ZDHHC19: variants seen among roughly 807,000 people sequenced by gnomAD.
The protein encoded by ZDHHC19 is palmitoyltransferase ZDHHC19.
A neutral mutation model predicts 33.9 loss-of-function variants in ZDHHC19; 30 were observed. The ratio of observed to expected loss-of-function variants is 0.88; its 90% confidence interval spans 0.66 to 1.20. The LOEUF (loss-of-function observed/expected upper bound fraction) is 1.20. ZDHHC19 is among the 50% of genes most tolerant of loss of function. The probability of loss-of-function intolerance (pLI) is 0.00; values close to 1 mark genes in which losing one functional copy is unlikely to be tolerated. For synonymous variants in ZDHHC19, 178 were observed against 167.6 expected (o/e 1.06, Z -0.48); for missense variants, 364 against 401.1 (o/e 0.91, Z 0.79).
chr3:196,209,353 T>G (rs1373438399), intron 3 of ZDHHC19, 23 bp downstream of exon 3: 2 of 1,579,624 alleles, frequency 1.3e-6, no homozygotes, highest in South Asian at 1.2e-5. Context: ...CGATGGCTGG[T>G]GGACAGGTAG....
At chr3:196,204,858 G>A (rs1722614504) in intron 5 of ZDHHC19, among the ~76,000 whole-genome samples, 1 of 152,190 alleles carries the variant, frequency 6.6e-6, no homozygotes. Flanking sequence ...TATAATCCCA[G>A]CACTTTGGGA....
chr3:196,204,130 A>G (rs758153740), intron 5 of ZDHHC19, among the ~76,000 whole-genome samples: 6 of 152,202 alleles, frequency 3.9e-5, no homozygotes, highest in Non-Finnish European at 7.3e-5. Flanking sequence ...TTCACAGACA[A>G]CAGGATTTCC....
intron 5 of ZDHHC19, among the ~76,000 whole-genome samples, chr3:196,207,009 T>C (rs1181067645): frequency 6.6e-6 from 1 of 152,098 alleles, no homozygotes; most frequent in Non-Finnish European, 1.5e-5. Context: ...TACCCTACCA[T>C]GTGGTCCTCC....
At chr3:196,210,268 G>GAAAGAAAGAA (rs1553821777) in intron 2 of ZDHHC19, among the ~76,000 whole-genome samples, 8 of 119,172 alleles carry the variant, frequency 6.7e-5, no homozygotes, top group African/African-American at 2.6e-4. Context: ...AGAAAGAAAA[G>GAAAGAAAGAA]AGAAAGAAAG....
At chr3:196,209,628 G>T in intron 2 of ZDHHC19, 113 bp from the exon 3 acceptor site, 1 of 1,405,546 alleles carries the variant, frequency 7.1e-7, no homozygotes, top group Non-Finnish European at 9.6e-7. Flanking sequence ...GTGGGCAGGG[G>T]AACCCCTGTC....
chr3:196,207,561 C>T, intron 4 of ZDHHC19, 58 bp from the exon 5 acceptor site: 1 of 1,236,140 alleles, frequency 8.1e-7, no homozygotes, highest in Non-Finnish European at 1.0e-6. Context: ...GCCCCCCAGG[C>T]CCGACTCCGC....
In ZDHHC19 at chr3:196,211,245, C is replaced by T. The variant is rs774480785; in HGVS notation, c.71G>A (p.Trp24Ter). 1 of 1,614,146 alleles carries T rather than the reference C, an allele frequency of 6.2e-7. No individual in the cohort carries two copies. Among genetic ancestry groups the T allele is most frequent in the Admixed American group, 1.7e-5 (1 of 60,012 alleles). ...PHPLPLVPRP[W>*]FLPSLFAAFN... ...GGCAGCAAAGAGGCTAGGGAGGAAC[C>T]AGGGACGTGGGACCAGAGGCAGGGG... is the stretch of plus-strand genomic sequence containing the variant. Residue 24 changes from tryptophan (W) to a stop codon, truncating the protein, a stop_gained, in exon 1 of 8, where the codon TGG becomes TAG. Coordinates refer to ENST00000296326, the MANE Select transcript of ZDHHC19 (RefSeq NM_001039617.2). LOFTEE classifies it high-confidence loss of function.
chr3:196,209,184 G>A (rs926676764), intron 3 of ZDHHC19, 192 bp downstream of exon 3: 7 of 781,538 alleles, frequency 9.0e-6, no homozygotes, highest in East Asian at 2.8e-5. Context: ...TGCAGGCAAC[G>A]GCCAGCCTCC....
intron 2 of ZDHHC19, 27 bp downstream of exon 2, chr3:196,210,589 C>G (rs774536836): frequency 6.2e-7 from 1 of 1,613,778 alleles, no homozygotes; most frequent in Non-Finnish European, 8.5e-7. Flanking sequence ...AGTGACACCT[C>G]CTTTTCCCAG....
At chr3:196,200,945 C>A (rs992484034) in intron 5 of ZDHHC19, among the ~76,000 whole-genome samples, 2 of 151,422 alleles carry the variant, frequency 1.3e-5, no homozygotes, top group South Asian at 4.2e-4. Context: ...TCACTGTACC[C>A]GGCATTAGGG....
chr3:196,208,336 C>T (rs12497404), intron 4 of ZDHHC19, 52 bp downstream of exon 4: 5 of 1,579,268 alleles, frequency 3.2e-6, no homozygotes, highest in Non-Finnish European at 3.4e-6. Flanking sequence ...CTCTGCAGCC[C>T]CCTCCTTGGC....
At chr3:196,204,060 A>G (rs1022241078) in intron 5 of ZDHHC19, among the ~76,000 whole-genome samples, 1 of 152,202 alleles carries the variant, frequency 6.6e-6, no homozygotes, top group African/African-American at 2.4e-5. Flanking sequence ...AGACAGTGCA[A>G]TAAGAAGAGA....
At chr3:196,205,223 T>C (rs1313167117) in intron 5 of ZDHHC19, among the ~76,000 whole-genome samples, 1 of 152,224 alleles carries the variant, frequency 6.6e-6, no homozygotes, top group Non-Finnish European at 1.5e-5. Context: ...CAGCTTTATT[T>C]ATTATAATCC....
At chr3:196,210,285 A>AGAAAGAAAGAAGGAAG (rs750596258) in intron 2 of ZDHHC19, among the ~76,000 whole-genome samples, 2,212 of 139,658 alleles carry the variant, frequency 0.016, 47 homozygotes, top group Non-Finnish European at 0.021. Flanking sequence ...AAAGAAAGAA[A>AGAAAGAAAGAAGGAAG]GAAGGAAGGA....
intron 5 of ZDHHC19, 33 bp from the exon 6 acceptor site, chr3:196,198,907 A>C: frequency 1.6e-4 from 251 of 1,599,590 alleles, no homozygotes; most frequent in Non-Finnish European, 2.0e-4. Context: ...AGAGGAGCTC[A>C]GAACCAGCAG....
intron 5 of ZDHHC19, among the ~76,000 whole-genome samples, chr3:196,202,006 G>T (rs554215243): frequency 1.9e-4 from 29 of 152,136 alleles, no homozygotes; most frequent in Non-Finnish European, 3.1e-4. Flanking sequence ...ACTGTTTCAG[G>T]AATATTTTGG....
intron 4 of ZDHHC19, 138 bp downstream of exon 4, chr3:196,208,250 C>G (rs1722937612): frequency 1.7e-6 from 1 of 576,318 alleles, no homozygotes; most frequent in Non-Finnish European, 2.5e-6. Flanking sequence ...ATCCCCCGAC[C>G]CCGCCCACCT....
intron 4 of ZDHHC19, 106 bp downstream of exon 4, chr3:196,208,282 T>A: frequency 1.2e-6 from 1 of 827,030 alleles, no homozygotes; most frequent in Non-Finnish European, 1.6e-6. Flanking sequence ...AGACTGGTCC[T>A]CCCAGGCGGC....
chr3:196,205,803 G>C (rs1722685516), intron 5 of ZDHHC19, among the ~76,000 whole-genome samples: 1 of 152,074 alleles, frequency 6.6e-6, no homozygotes, highest in Non-Finnish European at 1.5e-5. Context: ...GGGATTACAG[G>C]CACATGCCAC....
Sources: allele counts gnomAD v4.1 joint callset (sites outside exome capture counted in the v4.1 genomes callset), GRCh38; gene constraint gnomAD v4.1.1; transcripts MANE v1.5; gene names NCBI Gene and HGNC (gene_info 2026-07-23, HGNC 2026-07-21).